MAGI2: variants seen among roughly 807,000 people sequenced by gnomAD.
The protein encoded by MAGI2 is membrane-associated guanylate kinase, WW and PDZ domain-containing protein 2.
A neutral mutation model predicts 133.3 loss-of-function variants in MAGI2; 35 were observed. That is an observed-to-expected ratio of 0.26 (90% CI 0.20 to 0.35). The LOEUF (loss-of-function observed/expected upper bound fraction) is 0.35. MAGI2 is among the 10% of genes least tolerant of loss of function. The probability of loss-of-function intolerance (pLI) is 1.00; values close to 1 mark genes in which losing one functional copy is unlikely to be tolerated. For missense variants in MAGI2, 1,636 were observed against 1,863.4 expected, an observed-to-expected ratio of 0.88 and a Z score of 2.25; for synonymous variants, 729 against 710.6, an observed-to-expected ratio of 1.03 and a Z score of -0.41.
At chr7:78,234,833 C>A (rs1410850741) in intron 10 of MAGI2, among the ~76,000 whole-genome samples, 1 of 152,152 alleles carries the variant, frequency 6.6e-6, no homozygotes, top group Non-Finnish European at 1.5e-5. Flanking sequence ...ACTTTAATTG[C>A]ACCCAGTCCA....
chr7:78,268,066 T>G (rs1334116693), intron 9 of MAGI2, among the ~76,000 whole-genome samples: 2 of 152,182 alleles, frequency 1.3e-5, no homozygotes, highest in South Asian at 2.1e-4. Flanking sequence ...CATGTTTGTA[T>G]GTTAATTTGT....
intron 1 of MAGI2, among the ~76,000 whole-genome samples, chr7:79,258,236 T>C (rs954030537): frequency 6.6e-5 from 10 of 152,282 alleles, no homozygotes. Context: ...ATTATCACAA[T>C]GTAATAGAGA....
intron 1 of MAGI2, among the ~76,000 whole-genome samples, chr7:79,179,400 CTT>C (rs1164183659): frequency 6.6e-6 from 1 of 151,896 alleles, no homozygotes; most frequent in Non-Finnish European, 1.5e-5. Flanking sequence ...TAATGTGTCA[CTT>C]TTCACAGAAA....
At chr7:78,977,024 GTCTATAAATCCA>G (rs1213863170) in intron 2 of MAGI2, among the ~76,000 whole-genome samples, 1 of 151,586 alleles carries the variant, frequency 6.6e-6, no homozygotes, top group Non-Finnish European at 1.5e-5. Flanking sequence ...TCCCAACTTG[GTCTATAAATCCA>G]AAGCAATTCT....
At chr7:78,088,419 T>C (rs769818167) in intron 20 of MAGI2, among the ~76,000 whole-genome samples, 21 of 152,196 alleles carry the variant, frequency 1.4e-4, no homozygotes, top group Non-Finnish European at 2.8e-4. Context: ...ACAGCATGAA[T>C]GAGCATGAAA....
At chr7:78,721,161 A>G (rs1322072483) in intron 2 of MAGI2, among the ~76,000 whole-genome samples, 1 of 152,024 alleles carries the variant, frequency 6.6e-6, no homozygotes, top group Non-Finnish European at 1.5e-5. Flanking sequence ...TTACATTTTT[A>G]CTCACCCACA....
chr7:79,161,065 G>A (rs1824305443), intron 1 of MAGI2, among the ~76,000 whole-genome samples: 1 of 151,322 alleles, frequency 6.6e-6, no homozygotes, highest in Non-Finnish European at 1.5e-5. Context: ...AAAACATACA[G>A]GTTAATTATA....
chr7:78,134,671 G>A, intron 17 of MAGI2: 1 of 178,004 alleles, frequency 5.6e-6, no homozygotes, highest in South Asian at 1.7e-4. Flanking sequence ...TTTTTTTTCA[G>A]ATTTGTAACT....
chr7:78,865,795 G>C (rs1191661581), intron 2 of MAGI2, among the ~76,000 whole-genome samples: 2 of 152,138 alleles, frequency 1.3e-5, no homozygotes, highest in Admixed American at 6.5e-5. Flanking sequence ...ACAGAAGGTA[G>C]ACTAAAGTCT....
intron 1 of MAGI2, among the ~76,000 whole-genome samples, chr7:79,069,025 A>G (rs754863324): frequency 4.0e-5 from 6 of 151,632 alleles, no homozygotes; most frequent in Non-Finnish European, 8.8e-5. Context: ...TACGTGGTCA[A>G]TGTTAGAATA....
chr7:78,744,230 T>C (rs1822714660), intron 2 of MAGI2, among the ~76,000 whole-genome samples: 1 of 152,184 alleles, frequency 6.6e-6, no homozygotes, highest in South Asian at 2.1e-4. Flanking sequence ...TTTTCCACGC[T>C]AATTTTATAA....
chr7:79,300,103 C>T (rs1361453867), intron 1 of MAGI2, among the ~76,000 whole-genome samples: 2 of 152,070 alleles, frequency 1.3e-5, no homozygotes, highest in African/African-American at 4.8e-5. Context: ...CAACCTGATA[C>T]ATAAAATCAG....
At chr7:79,187,903 C>CA (rs879369587) in intron 1 of MAGI2, among the ~76,000 whole-genome samples, 4 of 151,016 alleles carry the variant, frequency 2.6e-5, no homozygotes, top group Non-Finnish European at 4.4e-5. Flanking sequence ...TAAAGTTATG[C>CA]AAAAAAAATT....
chr7:79,249,907 A>T (rs1489487872), intron 1 of MAGI2, among the ~76,000 whole-genome samples: 1 of 152,088 alleles, frequency 6.6e-6, no homozygotes, highest in Non-Finnish European at 1.5e-5. Flanking sequence ...CAACAACAAC[A>T]ACAAAACTAG....
At chr7:78,909,341 C>T (rs1447849734) in intron 2 of MAGI2, among the ~76,000 whole-genome samples, 2 of 151,124 alleles carry the variant, frequency 1.3e-5, no homozygotes, top group African/African-American at 2.4e-5. Flanking sequence ...CGCCTGTAAT[C>T]CCAGCACTTT....
At chr7:79,165,179 GTT>G (rs1243764460) in intron 1 of MAGI2, among the ~76,000 whole-genome samples, 1 of 139,310 alleles carries the variant, frequency 7.2e-6, no homozygotes. Context: ...TTTGTTTTTT[GTT>G]TTTTTTTTTT....
chr7:78,626,436 T>C (rs555929432), intron 3 of MAGI2, among the ~76,000 whole-genome samples: 1 of 152,280 alleles, frequency 6.6e-6, no homozygotes, highest in South Asian at 2.1e-4. Context: ...ACATAAACTG[T>C]TACTTAATTT....
intron 2 of MAGI2, among the ~76,000 whole-genome samples, chr7:78,821,867 A>G (rs954350505): frequency 3.3e-5 from 5 of 151,670 alleles, no homozygotes; most frequent in Admixed American, 3.3e-4. Flanking sequence ...GATTTTTTTC[A>G]TAAAAGAAAG....
chr7:78,458,540 T>C (rs1789592130), intron 6 of MAGI2, among the ~76,000 whole-genome samples: 1 of 152,110 alleles, frequency 6.6e-6, no homozygotes, highest in Non-Finnish European at 1.5e-5. Flanking sequence ...TTCCATTTTA[T>C]ACAATTAAAT....
Sources: gnomAD v4.1 joint callset for allele counts (sites outside exome capture counted in the v4.1 genomes callset) on GRCh38, gnomAD v4.1.1 for gene constraint, MANE v1.5 for transcripts, NCBI Gene and HGNC (gene_info 2026-07-23, HGNC 2026-07-21) for gene names.